The following JAM2 variants were observed in gnomAD, a reference collection of about 807,000 sequenced individuals.
JAM2 encodes the protein junctional adhesion molecule 2, also known as junctional adhesion molecule B.
A neutral mutation model predicts 42.0 loss-of-function variants in JAM2; 17 were observed. The ratio of observed to expected loss-of-function variants is 0.40; its 90% confidence interval spans 0.28 to 0.61. The LOEUF (loss-of-function observed/expected upper bound fraction) is 0.61. JAM2 is among the 20% of genes least tolerant of loss of function. The pLI is 0.37. For missense variants in JAM2, 319 were observed against 358.3 expected (o/e 0.89, Z 0.89); for synonymous variants, 118 against 128.6 (o/e 0.92, Z 0.56).
chr21:25,644,225 A>G lies in JAM2; in HGVS notation c.67+4337A>G, dbSNP rs944065420. On this transcript the variant is annotated intron_variant, in intron 1 of 9. Transcript: ENST00000480456. ...TTAACAAGGCTAGAACTCAGAAAAA[A>G]TAACCCAACTGTATTACTTTTCTAT... The G allele has an allele frequency of 3.3e-5, 5 of 152,356 alleles. No homozygotes were observed. In the East Asian group the frequency reaches 9.6e-4, roughly 29 times the overall value. 9.4% of individuals were successfully genotyped at this position (152,356 alleles called of 1,614,324 possible). A position where few individuals can be genotyped will look rare whatever the true frequency, so the allele number is the denominator to read the frequency against.
chr21:25,657,812 T>C (rs1382634789), intron 1 of JAM2, among the ~76,000 whole-genome samples: 3 of 152,254 alleles, frequency 2.0e-5, no homozygotes, highest in Non-Finnish European at 4.4e-5. Flanking sequence ...TATAATAAAA[T>C]TATGTTATAT....
chr21:25,688,243 G>GGTGTGTGTGTGTGTGTGTGTGTGTGTGT (rs147927864), intron 2 of JAM2, among the ~76,000 whole-genome samples: 1 of 149,710 alleles, frequency 6.7e-6, no homozygotes, highest in African/African-American at 2.5e-5. Context: ...CACCAGGAGG[G>GGTGTGTGTGTGTGTGTGTGTGTGTGTGT]GTGTGTGTGT....
intron 1 of JAM2, among the ~76,000 whole-genome samples, chr21:25,661,109 T>C (rs1233925631): frequency 6.6e-6 from 1 of 152,046 alleles, no homozygotes; most frequent in Non-Finnish European, 1.5e-5. Context: ...TATTCTTATA[T>C]TCCTGTACTA....
Position 25,702,219 on chromosome 21 carries a change from C to T in JAM2, c.647C>T (p.Ala216Val). The T allele has an allele frequency of 6.3e-7, 1 of 1,598,118 alleles. No homozygotes were observed. ...KLDTGEYSCE[A>V]RNSVGYRRCP... is the part of the protein sequence containing the mutation. ...GACACTGGAGAATATTCCTGTGAAG[C>T]CCGCAATTCTGTTGGATATCGCAGG... The change falls in exon 6 of 10, where the codon GCC (alanine) becomes GTC (valine). Residue 216 changes from alanine (A) to valine (V), a missense_variant. Ala to Val is a moderately conservative substitution (Grantham distance 64). Coordinates refer to ENST00000480456, the MANE Select transcript of JAM2 (RefSeq NM_021219.4).
At chr21:25,674,718 T>C (rs918485480) in intron 1 of JAM2, among the ~76,000 whole-genome samples, 19 of 151,800 alleles carry the variant, frequency 1.3e-4, no homozygotes, top group African/African-American at 4.6e-4. Flanking sequence ...CCAGATTGTC[T>C]AGTTCGAGAG....
chr21:25,690,703 G>A (rs929465920), intron 3 of JAM2, among the ~76,000 whole-genome samples: 1 of 151,966 alleles, frequency 6.6e-6, no homozygotes, highest in Non-Finnish European at 1.5e-5. Context: ...GAAATGGAAG[G>A]TTGCTTCTCA....
chr21:25,655,504 G>A (rs6516681), intron 1 of JAM2, among the ~76,000 whole-genome samples: 56,680 of 143,586 alleles, frequency 0.39, 13,055 homozygotes, highest in East Asian at 0.64. Flanking sequence ...TTTTTGAGAC[G>A]GAGTCTCACT....
intron 1 of JAM2, among the ~76,000 whole-genome samples, chr21:25,683,376 A>G (rs1309711070): frequency 6.6e-6 from 1 of 152,096 alleles, no homozygotes; most frequent in Non-Finnish European, 1.5e-5. Flanking sequence ...TTTTCATCAT[A>G]ATTTCATATA....
chr21:25,667,398 G>A (rs771904377), intron 1 of JAM2, among the ~76,000 whole-genome samples: 5 of 152,146 alleles, frequency 3.3e-5, no homozygotes, highest in African/African-American at 9.7e-5. Flanking sequence ...ATCTCATCAC[G>A]TCGGCATTTT....
intron 1 of JAM2, among the ~76,000 whole-genome samples, chr21:25,667,043 A>G (rs1313285408): frequency 6.6e-6 from 1 of 152,234 alleles, no homozygotes; most frequent in African/African-American, 2.4e-5. Context: ...AATTAAAAAA[A>G]TTAAAGTGGT....
intron 1 of JAM2, among the ~76,000 whole-genome samples, chr21:25,665,536 G>T (rs1409980407): frequency 6.6e-6 from 1 of 152,172 alleles, no homozygotes; most frequent in African/African-American, 2.4e-5. Flanking sequence ...TATATAAAGA[G>T]ACTTGTTTTA....
At chr21:25,668,196 T>C (rs1480512328) in intron 1 of JAM2, among the ~76,000 whole-genome samples, 14 of 152,196 alleles carry the variant, frequency 9.2e-5, no homozygotes, top group African/African-American at 7.2e-5. Flanking sequence ...CCACTTTGCA[T>C]AGGACCTTCT....
intron 5 of JAM2, among the ~76,000 whole-genome samples, chr21:25,700,101 A>T (rs1389910418): frequency 6.6e-6 from 1 of 152,184 alleles, no homozygotes; most frequent in Non-Finnish European, 1.5e-5. Flanking sequence ...AGGAATACTG[A>T]TGACAATCTA....
Position 25,717,537 on chromosome 21 carries a change from G to C in JAM2, c.*2865G>C, listed in dbSNP as rs541248252. ...CCTTTTTCCACAGGTGGCTTTGTTC[G>C]ATTAAAGTCTACACTAATAAAAATA... On this transcript the variant is annotated 3_prime_UTR_variant, in exon 10 of 10. Coordinates refer to ENST00000480456, the MANE Select transcript of JAM2 (RefSeq NM_021219.4). The C allele has an allele frequency of 8.0e-7, 1 of 1,246,688 alleles. No individual in the cohort carries two copies. The highest frequency in any genetic ancestry group is 3.5e-5 in the Admixed American group (1 of 28,388). 77.2% of individuals were successfully genotyped at this position (1,246,688 alleles called of 1,614,324 possible).
chr21:25,685,835 G>A (rs2033740588), intron 2 of JAM2, among the ~76,000 whole-genome samples: 1 of 152,144 alleles, frequency 6.6e-6, no homozygotes, highest in South Asian at 2.1e-4. Context: ...AATGGACCAG[G>A]ATGTCCCTGA....
At chr21:25,708,641 A>C (rs2034320232) in intron 7 of JAM2, among the ~76,000 whole-genome samples, 2 of 152,198 alleles carry the variant, frequency 1.3e-5, no homozygotes, top group South Asian at 2.1e-4. Context: ...CTTTAATGTA[A>C]CTTTATGAAT....
rs1316691443 is a variant in JAM2, at chr21:25,689,497, CT to C, written c.134-368del. 2.0e-5 allele frequency among the ~76,000 whole-genome samples: 3 copies of C among 152,308 alleles called. No homozygotes were observed. The East Asian group carries it at 5.8e-4, about 29-fold the overall frequency. ...ATGGTAGACTCCTTCAAGACTGACA[CT>C]GGGAATAATAAGACACATAGTTAAT... On this transcript the variant is annotated intron_variant, in intron 2 of 9. Coordinates refer to ENST00000480456, the MANE Select transcript of JAM2 (RefSeq NM_021219.4).
intron 1 of JAM2, among the ~76,000 whole-genome samples, chr21:25,647,634 G>A (rs965503290): frequency 1.9e-4 from 29 of 152,120 alleles, no homozygotes; most frequent in Non-Finnish European, 4.1e-4. Flanking sequence ...GGAACAAAAT[G>A]ATTAGTAAAA....
chr21:25,673,244 A>G (rs1208460008), intron 1 of JAM2, among the ~76,000 whole-genome samples: 2 of 152,126 alleles, frequency 1.3e-5, no homozygotes, highest in African/African-American at 4.8e-5. Flanking sequence ...TTACTTCGAG[A>G]AGTTAATTTA....
Sources: allele counts gnomAD v4.1 joint callset (sites outside exome capture counted in the v4.1 genomes callset), GRCh38; gene constraint gnomAD v4.1.1; transcripts MANE v1.5; gene names NCBI Gene and HGNC (gene_info 2026-07-23, HGNC 2026-07-21).